Variants in ADGRB2 observed in about 807,000 individuals in gnomAD.
The protein encoded by ADGRB2 is adhesion G protein-coupled receptor B2.
In ADGRB2, 47 loss-of-function variants were observed where a neutral mutation model predicts 178.7. The ratio of observed to expected loss-of-function variants is 0.26; its 90% CI spans 0.21 to 0.34. The LOEUF (loss-of-function observed/expected upper bound fraction) is 0.34. Among genes scored for constraint, ADGRB2 ranks in the 10% least tolerant of loss-of-function variants. The probability of loss-of-function intolerance (pLI) is 1.00; values close to 1 mark genes in which losing one functional copy is unlikely to be tolerated. For synonymous variants in ADGRB2, 870 were observed against 912.4 expected, an observed-to-expected ratio of 0.95 and a Z score of 0.84; for missense variants, 1,584 against 2,180.8, an observed-to-expected ratio of 0.73 and a Z score of 5.45.
chr1:31,731,446 G>A, intron 28 of ADGRB2, 27 bp from the exon 29 acceptor site: 1 of 1,557,504 alleles, frequency 6.4e-7, no homozygotes, highest in African/African-American at 1.4e-5. Flanking sequence ...GAGGGAGGGG[G>A]TGAGTCCTGA....
chr1:31,731,312 C>T lies in ADGRB2; in HGVS notation c.3868G>A (p.Glu1290Lys), dbSNP rs996346476. ...AGTGGTGAGAAGCTGAGGCTGCCCT[C>T]AGGGCCCACGAGGCAGGACTTGGGC... is the stretch of plus-strand genomic sequence containing the variant. ...EEPKSCLVGP[E>K]GSLSFSPLPG... The change falls in exon 29 of 33, where the codon GAG becomes AAG. Residue 1290 changes from glutamate (E) to lysine (K), a missense_variant. Around this residue, in one of 3 missense-constraint regions of ADGRB2, gnomAD observed 865 missense variants for 1,192.8 expected, o/e 0.73. Coordinates refer to ENST00000373658, the MANE Select transcript of ADGRB2 (RefSeq NM_001364857.2). 1.2e-6 allele frequency: 2 copies of T among 1,612,520 alleles called. No individual in the cohort carries two copies. The highest frequency in any genetic ancestry group is 1.7e-5 in the Admixed American group (1 of 59,916).
Position 31,732,509 on chromosome 1 carries a change from T to TAACTCACCAGG in ADGRB2, c.3717_3720+7dup. ...TCTGCCCAGGCCCTGCCCAGGCCCC[T>TAACTCACCAGG]AACTCACCAGGATCTGCAGCTGCCC... On this transcript the variant is annotated splice_region_variant and intron_variant, in intron 27 of 32. Transcript: ENST00000373658. 1.2e-6 allele frequency: 2 copies of TAACTCACCAGG among 1,614,040 alleles called. No homozygotes were observed. Among genetic ancestry groups the TAACTCACCAGG allele is most frequent in the Non-Finnish European group, 1.7e-6 (2 of 1,179,984 alleles).
chr1:31,742,297 C>A, intron 7 of ADGRB2, 80 bp from the exon 8 acceptor site: 1 of 1,511,362 alleles, frequency 6.6e-7, no homozygotes, highest in South Asian at 1.3e-5. Context: ...ACAGGAAGAC[C>A]CAGAGCCTGC....
intron 29 of ADGRB2, among the ~76,000 whole-genome samples, chr1:31,730,293 A>G (rs936489846): frequency 9.9e-5 from 15 of 152,236 alleles, no homozygotes; most frequent in Non-Finnish European, 1.5e-5. Flanking sequence ...AGGGGTGCTA[A>G]CAGCAGCAAT....
chr1:31,740,314 C>T lies in ADGRB2; in HGVS notation c.1989+33G>A. On this transcript the variant is annotated intron_variant, in intron 12 of 32. Transcript: ENST00000373658. The surrounding 1 kb of genome is among the most constrained non-coding windows in gnomAD (Gnocchi z 5.9). ...CCTCCCGCTTCAGTTTGGGCCTTCTCCACCCTCCGCCCTCCTTCCTCCTAG... is the reference window on the plus strand; with the variant it reads ...CCTCCCGCTTCAGTTTGGGCCTTCTTCACCCTCCGCCCTCCTTCCTCCTAG... The T allele has an allele frequency of 1.2e-6, 2 of 1,605,474 alleles. No individual in the cohort carries two copies. Among genetic ancestry groups the T allele is most frequent in the Non-Finnish European group, 1.7e-6 (2 of 1,174,404 alleles).
At position 31,742,925 on chromosome 1, in the gene ADGRB2, G is replaced by A. The variant is rs1646058143; in HGVS notation, c.1165C>T (p.Arg389Trp). The change falls in exon 7 of 33, where the codon CGG becomes TGG. Residue 389 changes from arginine to tryptophan, a missense_variant. Arg to Trp is a moderately radical substitution (Grantham distance 101). Coordinates refer to ENST00000373658, the MANE Select transcript of ADGRB2 (RefSeq NM_001364857.2). ...SCGRGSRSRM[R>W]TCVPPQHGGK... ...CCGTGCTGGGGGGGCACGCAGGTCC[G>A]CATCCGGCTCCGGGACCCCCGCCCG... 1.9e-6 allele frequency: 3 copies of A among 1,541,100 alleles called. No homozygotes were observed. Among genetic ancestry groups the A allele is most frequent in the Non-Finnish European group, 1.7e-6 (2 of 1,143,272 alleles).
At chr1:31,734,361 G>A (rs1557741035) in intron 25 of ADGRB2, among the ~76,000 whole-genome samples, 1 of 152,328 alleles carries the variant, frequency 6.6e-6, no homozygotes, top group East Asian at 1.9e-4. Context: ...GGCACAGTTG[G>A]GATACAAACA....
At chr1:31,742,247 T>C (rs757802508) in intron 7 of ADGRB2, 30 bp from the exon 8 acceptor site, 2 of 1,569,128 alleles carry the variant, frequency 1.3e-6, no homozygotes, top group South Asian at 2.4e-5. Flanking sequence ...CAGGGGTGGC[T>C]GTTGAGCAGG....
chr1:31,745,395 G>C (rs780474812), intron 4 of ADGRB2, among the ~76,000 whole-genome samples: 12 of 152,186 alleles, frequency 7.9e-5, no homozygotes, highest in African/African-American at 1.2e-4. Flanking sequence ...CCTGAGGCCA[G>C]GAGAACAGCA....
intron 4 of ADGRB2, among the ~76,000 whole-genome samples, chr1:31,752,792 G>T (rs1328139075): frequency 6.6e-6 from 1 of 152,050 alleles, no homozygotes; most frequent in African/African-American, 2.4e-5. Context: ...GATAACTGGG[G>T]GTTCTGAGGC....
chr1:31,728,382 T>C lies in ADGRB2; in HGVS notation c.4417-102A>G. 1 of 1,364,118 alleles carries C rather than the reference T, an allele frequency of 7.3e-7. No individual in the cohort carries two copies. Among genetic ancestry groups the C allele is most frequent in the African/African-American group, 1.4e-5 (1 of 69,708 alleles). 84.5% of individuals were successfully genotyped at this position (1,364,118 alleles called of 1,614,324 possible). A position where few individuals can be genotyped will look rare whatever the true frequency, so the allele number is the denominator to read the frequency against. On this transcript the variant is annotated intron_variant, in intron 30 of 32. Transcript: ENST00000373658. The surrounding 1 kb of genome is among the most constrained non-coding windows in gnomAD (Gnocchi z 6.7). ...CCAAGCCCCCCACATCCCTCCCTGC[T>C]GCCAGCCCCTCTGGGACAAGACCTA...
chr1:31,756,686 C>A lies in ADGRB2; in HGVS notation c.151G>T (p.Ala51Ser). The A allele has an allele frequency of 6.2e-7, 1 of 1,607,782 alleles. No individual in the cohort carries two copies. Among genetic ancestry groups the A allele is most frequent in the South Asian group, 1.1e-5 (1 of 89,542 alleles). Residue 51 changes from alanine to serine, a missense_variant, in exon 4 of 33, where the codon GCC becomes TCC. This residue lies in a region of ADGRB2 where 657 missense variants were observed against 847.6 expected (regional missense o/e 0.78). Transcript: ENST00000373658. This position sits in a 1 kb window ranked among gnomAD's most constrained non-coding sequence, Gnocchi z 8.5. ...SALASGVLYG[A>S]FSLQDLFPTI... Reference sequence around the variant, plus strand: ...GGAAAGAGGTCCTGCAGCGAGAAGGCCCCGTAGAGCACACCCGAGGCCAGG... The same window carrying A: ...GGAAAGAGGTCCTGCAGCGAGAAGGACCCGTAGAGCACACCCGAGGCCAGG...
chr1:31,752,477 T>C (rs1046567909), intron 4 of ADGRB2, among the ~76,000 whole-genome samples: 3 of 152,156 alleles, frequency 2.0e-5, no homozygotes, highest in South Asian at 2.1e-4. Flanking sequence ...CAGACCAGGA[T>C]GGCCGAGAGA....
chr1:31,749,389 A>T (rs1646442989), intron 4 of ADGRB2, among the ~76,000 whole-genome samples: 1 of 152,226 alleles, frequency 6.6e-6, no homozygotes. Context: ...AGCACACTGC[A>T]AAGCCATATG....
In ADGRB2 at chr1:31,735,884, G is replaced by C; in HGVS notation, c.3210C>G (p.Leu1070=). The change falls in exon 23 of 33, where the codon CTC becomes CTG. Residue 1070 remains leucine, a synonymous_variant. Coordinates refer to ENST00000373658, the MANE Select transcript of ADGRB2 (RefSeq NM_001364857.2). The surrounding 1 kb of genome is among the most constrained non-coding windows in gnomAD (Gnocchi z 6.0). The stretch of plus-strand genomic sequence containing the variant: ...CGTAGAGCAGGCCGCCCTCCAGGGA[G>C]AGCCAGCAGCTGGGGTGGGGGAGAA... ...KGYGTSSYCW[L]SLEGGLLYAF... 3.1e-6 allele frequency: 5 copies of C among 1,597,844 alleles called. No individual in the cohort carries two copies. The highest frequency in any genetic ancestry group is 4.3e-6 in the Non-Finnish European group (5 of 1,172,124).
Position 31,747,155 on chromosome 1 carries a change from G to A in ADGRB2, c.839-2424C>T, listed in dbSNP as rs371984651. Reference sequence around the variant, plus strand: ...CAGCAGCATTTGGTCCTGCTGACTCGTCCTCCCTTGAAGCACTCTCCTGGT... The same window carrying A: ...CAGCAGCATTTGGTCCTGCTGACTCATCCTCCCTTGAAGCACTCTCCTGGT... On this transcript the variant is annotated intron_variant, in intron 4 of 32. Coordinates refer to ENST00000373658, the MANE Select transcript of ADGRB2 (RefSeq NM_001364857.2). Among the ~76,000 whole-genome samples, 93 of 152,116 alleles carry A rather than the reference G, an allele frequency of 6.1e-4. 1 individual carries two copies. The highest frequency in any genetic ancestry group is 4.8e-3 in the South Asian group (23 of 4,818).
chr1:31,756,872 C>A lies in ADGRB2; in HGVS notation c.22-57G>T, dbSNP rs1646862870. On this transcript the variant is annotated intron_variant, in intron 3 of 32. Transcript: ENST00000373658. This position sits in a 1 kb window ranked among gnomAD's most constrained non-coding sequence, Gnocchi z 8.5. ...CAGCACAGCCAGCATGGGCTCTGAA[C>A]CTTCTATGGTGAGCTGCGGGAGTGG... The A allele has an allele frequency of 2.1e-6, 3 of 1,423,578 alleles. No individual in the cohort carries two copies. Among genetic ancestry groups the A allele is most frequent in the Non-Finnish European group, 2.8e-6 (3 of 1,075,522 alleles). 88.2% of individuals were successfully genotyped at this position (1,423,578 alleles called of 1,614,324 possible). A position where few individuals can be genotyped will look rare whatever the true frequency, so the allele number is the denominator to read the frequency against.
At chr1:31,750,187 TG>T (rs1389518637) in intron 4 of ADGRB2, among the ~76,000 whole-genome samples, 2 of 152,210 alleles carry the variant, frequency 1.3e-5, no homozygotes, top group African/African-American at 4.8e-5. Flanking sequence ...TTCGATATGC[TG>T]GTCCTCTTTT....
Position 31,731,081 on chromosome 1 carries a change from C to A in ADGRB2, c.4099G>T (p.Gly1367Cys), listed in dbSNP as rs763484110. The A allele has an allele frequency of 1.9e-6, 3 of 1,574,508 alleles. No individual in the cohort carries two copies. The highest frequency in any genetic ancestry group is 4.7e-5 in the East Asian group (2 of 42,390). Reference protein sequence around the residue: ...RTLSLQPGGGGGGGEDAPRAR... With the variant: ...RTLSLQPGGGCGGGEDAPRAR... Reference sequence around the variant, plus strand: ...CTGGGGGCATCCTCACCACCTCCACCCCCACCGCCAGGCTGCAGGCTCAAA... The same window carrying A: ...CTGGGGGCATCCTCACCACCTCCACACCCACCGCCAGGCTGCAGGCTCAAA... Residue 1367 changes from glycine (G) to cysteine (C), a missense_variant, in exon 29 of 33, where the codon GGT becomes TGT. Gly to Cys is a radical substitution (Grantham distance 159). This residue lies in a region of ADGRB2 where 865 missense variants were observed against 1,192.8 expected (regional missense o/e 0.73). Coordinates refer to ENST00000373658, the MANE Select transcript of ADGRB2 (RefSeq NM_001364857.2).
Sources: allele counts gnomAD v4.1 joint callset (sites outside exome capture counted in the v4.1 genomes callset), GRCh38; gene constraint gnomAD v4.1.1; regional missense constraint gnomAD v4.1.1; non-coding constraint Gnocchi (gnomAD v3.1); transcripts MANE v1.5; gene names NCBI Gene and HGNC (gene_info 2026-07-23, HGNC 2026-07-21).